Variants in PABIR2 observed in about 807,000 individuals in gnomAD.
The protein encoded by PABIR2 is PABIR family member 2.
In PABIR2, 7 loss-of-function variants were observed where a neutral mutation model predicts 22.8. The observed-to-expected ratio is 0.31, with a 90% CI of 0.17 to 0.58. PABIR2 has a LOEUF of 0.58. Ranked by LOEUF, PABIR2 falls within the 20% of genes least tolerant of loss-of-function variation. The pLI is 0.89. For synonymous variants in PABIR2, 67 were observed against 73.8 expected (o/e 0.91, Z 0.47); for missense variants, 155 against 205.1 (o/e 0.76, Z 1.49).
At chrX:134,781,298 G>A (rs1456090219) in intron 9 of PABIR2, among the ~76,000 whole-genome samples, 1 of 112,819 alleles carries the variant, frequency 8.9e-6, no homozygotes, top group Non-Finnish European at 1.9e-5. Context: ...ATAAGAAGTT[G>A]AAAATATTTT....
chrX:134,790,736 A>G (rs1192339169), intron 2 of PABIR2, among the ~76,000 whole-genome samples: 1 of 111,872 alleles, frequency 8.9e-6, no homozygotes, highest in Non-Finnish European at 1.9e-5. Flanking sequence ...AGACTGGAGT[A>G]TAAGATAAAT....
At chrX:134,774,383 C>G (rs902228917) in intron 9 of PABIR2, among the ~76,000 whole-genome samples, 4 of 111,857 alleles carry the variant, frequency 3.6e-5, no homozygotes, top group Non-Finnish European at 7.5e-5. Context: ...AGGACACGCT[C>G]TTTGCTACTT....
At position 134,771,171 on chromosome X, in the gene PABIR2, T is replaced by A. The variant is rs1188957416; in HGVS notation, c.*968A>T. 1 of 583,268 alleles carries A rather than the reference T, an allele frequency of 1.7e-6. No individual in the cohort carries two copies. The highest frequency in any genetic ancestry group is 2.5e-6 in the Non-Finnish European group (1 of 406,792). 48.1% of individuals were successfully genotyped at this position (583,268 alleles called of 1,213,427 possible). On this transcript the variant is annotated 3_prime_UTR_variant, in exon 10 of 10. Coordinates refer to ENST00000343004, the MANE Select transcript of PABIR2 (RefSeq NM_001387468.1). ...CCCTCTTCCACCATACCTTATGATA[T>A]ACATCCCTTATAGCATGACAATGTA...
In PABIR2 at chrX:134,789,099, C is replaced by T. The variant is rs2079468406; in HGVS notation, c.319G>A (p.Glu107Lys). The change falls in exon 5 of 10, where the codon GAG becomes AAG. Residue 107 changes from glutamate to lysine, a missense_variant. Transcript: ENST00000343004. ...GCAAACTTTACCAGGCTCAAGCTCT[C>T]ATCCCATGATTGGCTTATCTGCATT... The part of the protein sequence containing the change: ...TAMQISQSWD[E>K]SLSLSDSDFD... 4 of 1,212,117 alleles carry T rather than the reference C, an allele frequency of 3.3e-6. No homozygotes were observed. The highest frequency in any genetic ancestry group is 4.5e-6 in the Non-Finnish European group (4 of 895,603).
chrX:134,772,173 G>A lies in PABIR2; in HGVS notation c.770C>T (p.Ser257Leu), dbSNP rs770180656. ...SPVACSNSCS[S>L]FILMDDLSPK ...TGAGAGATCATCCATCAAGATGAAC[G>A]AAGAGCATGAATTGGAGCATGCTAC... Residue 257 changes from serine to leucine, a missense_variant, in exon 10 of 10, where the codon TCG becomes TTG. Physicochemically the swap from Ser to Leu is moderately radical, Grantham distance 145. Transcript: ENST00000343004. 2.2e-5 allele frequency: 26 copies of A among 1,203,675 alleles called. No homozygotes were observed. Among genetic ancestry groups the A allele is most frequent in the Non-Finnish European group, 2.8e-5 (25 of 890,336 alleles).
chrX:134,790,294 T>C lies in PABIR2; in HGVS notation c.178-658A>G, dbSNP rs773411602. 3.6e-5 allele frequency among the ~76,000 whole-genome samples: 4 copies of C among 112,452 alleles called. No individual in the cohort carries two copies. The South Asian group carries it at 1.5e-3, about 41-fold the overall frequency. On this transcript the variant is annotated intron_variant, in intron 2 of 9. Transcript: ENST00000343004. The stretch of plus-strand genomic sequence containing the variant: ...CAGAAATGATTTGGAGGCCAAATTA[T>C]GTTCCTTCACAATAATTACAAGCTG...
intron 1 of PABIR2, among the ~76,000 whole-genome samples, chrX:134,795,325 G>A (rs1025978811): frequency 1.6e-4 from 18 of 111,578 alleles, no homozygotes; most frequent in African/African-American, 5.6e-4. Flanking sequence ...CATTTCTACA[G>A]GGTCTCGCAA....
intron 6 of PABIR2, among the ~76,000 whole-genome samples, 174 bp from the exon 7 acceptor site, chrX:134,787,707 T>C (rs1372385933): frequency 1.9e-5 from 2 of 103,182 alleles, no homozygotes; most frequent in Non-Finnish European, 3.9e-5. Context: ...CCTCGAACTC[T>C]TGGGCTCAAG....
chrX:134,787,601 GTT>G (rs1330472620), intron 6 of PABIR2, 68 bp from the exon 7 acceptor site: 3 of 376,348 alleles, frequency 8.0e-6, no homozygotes, highest in Admixed American at 4.6e-5. Context: ...TAGCACTCCA[GTT>G]TTCTTTCTTT....
chrX:134,790,703 C>T (rs73568748), intron 2 of PABIR2, among the ~76,000 whole-genome samples: 2 of 111,601 alleles, frequency 1.8e-5, no homozygotes, highest in African/African-American at 3.3e-5. Flanking sequence ...CCATGCCCAG[C>T]GAATTTTTAC....
intron 2 of PABIR2, among the ~76,000 whole-genome samples, chrX:134,792,718 T>C (rs2147988219): frequency 8.9e-6 from 1 of 112,674 alleles, no homozygotes; most frequent in East Asian, 2.8e-4. Context: ...TTTTAGCTGC[T>C]GCTTCTTTTA....
intron 6 of PABIR2, among the ~76,000 whole-genome samples, chrX:134,788,402 A>T (rs975062056): frequency 9.6e-5 from 9 of 94,087 alleles, no homozygotes; most frequent in East Asian, 3.3e-4. Flanking sequence ...ATATATGTGT[A>T]ATATATACAC....
chrX:134,793,983 A>T, intron 1 of PABIR2, 90 bp from the exon 2 acceptor site: 1 of 1,140,187 alleles, frequency 8.8e-7, no homozygotes, highest in Non-Finnish European at 1.2e-6. Context: ...AGCATCAGTT[A>T]TCTAGTTAAC....
chrX:134,784,559 C>T (rs1479967799), intron 8 of PABIR2, among the ~76,000 whole-genome samples: 1 of 108,790 alleles, frequency 9.2e-6, no homozygotes, highest in Admixed American at 9.9e-5. Context: ...CTCACTGCAA[C>T]CTCTGCTTCC....
In PABIR2 at chrX:134,796,164, T is replaced by A. The variant is rs755912965; in HGVS notation, c.42A>T (p.Thr14=). The A allele has an allele frequency of 2.5e-6, 3 of 1,210,322 alleles. No individual in the cohort carries two copies. In the South Asian group the frequency reaches 5.3e-5, roughly 21 times the overall value. ...ATCTCCTCAGGGTTCCCCCATAAGA[T>A]GTGTCAGGCTCAAGGTCCAGCTCCA... ...EKMELDLEPD[T]SYGGTLRRSS... is the part of the protein sequence containing the mutation. Residue 14 remains threonine, a synonymous_variant, in exon 1 of 10, where the codon ACA becomes ACT. Coordinates refer to ENST00000343004, the MANE Select transcript of PABIR2 (RefSeq NM_001387468.1).
intron 1 of PABIR2, among the ~76,000 whole-genome samples, chrX:134,795,766 G>C (rs1158289757): frequency 8.9e-6 from 1 of 112,199 alleles, no homozygotes; most frequent in Non-Finnish European, 1.9e-5. Flanking sequence ...CAGGTGTCAA[G>C]TTGCACATCT....
chrX:134,789,650 G>C lies in PABIR2; in HGVS notation c.178-14C>G. ...GGATGACAGCAACTGGAAAGAAAAA[G>C]TAAACATTTACTATTTTCTGAATCA... is the stretch of plus-strand genomic sequence containing the variant. On this transcript the variant is annotated splice_polypyrimidine_tract_variant and intron_variant, in intron 2 of 9. Transcript: ENST00000343004. 5.2e-6 allele frequency: 6 copies of C among 1,144,342 alleles called. No individual in the cohort carries two copies. The highest frequency in any genetic ancestry group is 5.8e-6 in the Non-Finnish European group (5 of 863,039). The allele number at this position is 1,144,342 out of a possible 1,213,427, so 94.3% of individuals were successfully genotyped here.
intron 2 of PABIR2, among the ~76,000 whole-genome samples, chrX:134,790,703 C>A (rs73568748): frequency 0.013 from 1,479 of 111,650 alleles, 21 homozygotes; most frequent in African/African-American, 0.047. Flanking sequence ...CCATGCCCAG[C>A]GAATTTTTAC....
intron 1 of PABIR2, 76 bp from the exon 2 acceptor site, chrX:134,793,969 C>T (rs1172368632): frequency 8.7e-7 from 1 of 1,154,235 alleles, no homozygotes; most frequent in Non-Finnish European, 1.1e-6. Context: ...CTTTCAAATA[C>T]ATTAGCATCA....
Sources: allele counts gnomAD v4.1 joint callset (sites outside exome capture counted in the v4.1 genomes callset), GRCh38; gene constraint gnomAD v4.1.1; transcripts MANE v1.5; gene names NCBI Gene and HGNC (gene_info 2026-07-23, HGNC 2026-07-21).